Variants in ZWILCH observed in about 807,000 individuals in gnomAD.
The protein encoded by ZWILCH is protein zwilch homolog.
In ZWILCH, 74 loss-of-function variants were observed where a neutral mutation model predicts 79.9. The ratio of observed to expected loss-of-function variants is 0.93; its 90% confidence interval spans 0.77 to 1.12. ZWILCH has a LOEUF of 1.12. ZWILCH is among the 50% of genes most tolerant of loss of function. ZWILCH has a pLI of 0.00. For missense variants in ZWILCH, 694 were observed against 687.5 expected (o/e 1.01, Z -0.11); for synonymous variants, 241 against 228.2 (o/e 1.06, Z -0.51).
At chr15:66,507,890 G>A (rs1379165440) in intron 1 of ZWILCH, among the ~76,000 whole-genome samples, 1 of 147,094 alleles carries the variant, frequency 6.8e-6, no homozygotes, top group Non-Finnish European at 1.5e-5. Flanking sequence ...CGGAGATCAC[G>A]CCACTGTACT....
At position 66,521,106 on chromosome 15, in the gene ZWILCH, TACAATC is replaced by T. The variant is rs1033745662; in HGVS notation, c.652_657del (p.Ile218_Thr219del). ...TCTTTAAGTCCTCTGCCTTGGATGATACAATCACAGCATCACAAACTGCGATCGCTT... is the reference window on the plus strand; with the variant it reads ...TCTTTAAGTCCTCTGCCTTGGATGATACAGCATCACAAACTGCGATCGCTT... On this transcript the variant is annotated inframe_deletion, in exon 7 of 19. Transcript: ENST00000307897. 2 of 1,614,090 alleles carry T rather than the reference TACAATC, an allele frequency of 1.2e-6. No individual in the cohort carries two copies. Among genetic ancestry groups the T allele is most frequent in the African/African-American group, 2.7e-5 (2 of 74,936 alleles).
intron 16 of ZWILCH, among the ~76,000 whole-genome samples, chr15:66,539,652 C>G (rs78299946): frequency 6.6e-6 from 1 of 152,180 alleles, no homozygotes; most frequent in Non-Finnish European, 1.5e-5. Flanking sequence ...GTTTAAATGT[C>G]TCCTATCACA....
intron 14 of ZWILCH, among the ~76,000 whole-genome samples, chr15:66,535,122 G>C (rs1197420205): frequency 6.6e-6 from 1 of 151,832 alleles, no homozygotes; most frequent in Non-Finnish European, 1.5e-5. Flanking sequence ...GGGATCATCA[G>C]TATCACTGTC....
chr15:66,547,768 G>A (rs1021307092), intron 18 of ZWILCH: 3 of 152,070 alleles, frequency 2.0e-5, no homozygotes, highest in Non-Finnish European at 4.4e-5. Context: ...CAACCTGGAA[G>A]GATTGTTATC....
At chr15:66,521,301 C>T (rs923778736) in intron 7 of ZWILCH, 96 bp downstream of exon 7, 45 of 1,428,830 alleles carry the variant, frequency 3.1e-5, no homozygotes, top group Admixed American at 9.3e-5. Context: ...AGCCTTGGCA[C>T]TTGCTGAGTG....
At chr15:66,543,224 A>C (rs1895250542) in intron 17 of ZWILCH, among the ~76,000 whole-genome samples, 2 of 152,086 alleles carry the variant, frequency 1.3e-5, no homozygotes, top group African/African-American at 4.8e-5. Context: ...AAATAAATAC[A>C]TTCTTTGGCC....
At position 66,549,975 on chromosome 15, in the gene ZWILCH, T is replaced by A; in HGVS notation, c.*1651T>A. The A allele has an allele frequency of 9.2e-7, 1 of 1,091,604 alleles. No homozygotes were observed. The highest frequency in any genetic ancestry group is 1.3e-6 in the Non-Finnish European group (1 of 780,104). 67.6% of individuals were successfully genotyped at this position (1,091,604 alleles called of 1,614,324 possible). Reference sequence around the variant, plus strand: ...CAAGTAGAGCCACATTTTGAGATTTTGAAAATGATATGTATAATTATTTAG... The same window carrying A: ...CAAGTAGAGCCACATTTTGAGATTTAGAAAATGATATGTATAATTATTTAG... On this transcript the variant is annotated 3_prime_UTR_variant, in exon 19 of 19. Coordinates refer to ENST00000307897, the MANE Select transcript of ZWILCH (RefSeq NM_017975.5).
At chr15:66,543,856 C>G (rs1414170620) in intron 17 of ZWILCH, among the ~76,000 whole-genome samples, 1 of 152,124 alleles carries the variant, frequency 6.6e-6, no homozygotes, top group Non-Finnish European at 1.5e-5. Context: ...TCAGGTGATT[C>G]CACTGTGCAA....
rs965618600 is a variant in ZWILCH at position 66,519,980 on chromosome 15, T to A, written c.521-610T>A. Among the ~76,000 whole-genome samples, 7 of 152,052 alleles carry A rather than the reference T, an allele frequency of 4.6e-5. No homozygotes were observed. In the East Asian group the frequency reaches 5.8e-4, roughly 13 times the overall value. On this transcript the variant is annotated intron_variant, in intron 5 of 18. Coordinates refer to ENST00000307897, the MANE Select transcript of ZWILCH (RefSeq NM_017975.5). ...GGCCAGCTAATTTTATTTTTATTTTTAATTTGTTTTTAAGAGACAGGGTCC... is the reference window on the plus strand; with the variant it reads ...GGCCAGCTAATTTTATTTTTATTTTAAATTTGTTTTTAAGAGACAGGGTCC...
chr15:66,526,085 C>A (rs1894664150), intron 8 of ZWILCH, among the ~76,000 whole-genome samples: 1 of 151,988 alleles, frequency 6.6e-6, no homozygotes, highest in South Asian at 2.1e-4. Flanking sequence ...TTTCTAAAGA[C>A]CTCCCCCCGG....
rs374606287 is a variant in ZWILCH at position 66,526,119 on chromosome 15, A to G, written c.820-1171A>G. 2.8e-4 allele frequency among the ~76,000 whole-genome samples: 43 copies of G among 152,176 alleles called. 1 individual carries two copies. In the East Asian group the frequency reaches 3.7e-3, roughly 13 times the overall value. ...GGGAGTGGGAGATGATAGCATTTCA[A>G]CTGGGAAATGTTGTATTTTCTCTTT... On this transcript the variant is annotated intron_variant, in intron 8 of 18. Coordinates refer to ENST00000307897, the MANE Select transcript of ZWILCH (RefSeq NM_017975.5).
rs765490430 is a variant in ZWILCH, at chr15:66,529,493, G to T, written c.1076-1G>T. 6.2e-7 allele frequency: 1 copy of T among 1,611,910 alleles called. No homozygotes were observed. The highest frequency in any genetic ancestry group is 8.5e-7 in the Non-Finnish European group (1 of 1,178,188). ...AATGTTACACTGACTTGTTTTCCAA[G>T]GTGTGATTTCATACCAAGACTTGGT... On this transcript the variant is annotated splice_acceptor_variant, in intron 11 of 18. Transcript: ENST00000307897. LOFTEE classifies it high-confidence loss of function.
At position 66,527,292 on chromosome 15, in the gene ZWILCH, T is replaced by G; in HGVS notation, c.822T>G (p.Val274=). The part of the protein sequence containing the change: ...HLYRELKFLL[V]LADGLRTGVT... ...TGGGGTTTTTAAATCTCCTGTAGGT[T>G]TTGGCTGATGGTTTGAGGACTGGTG... is the stretch of plus-strand genomic sequence containing the variant. The change falls in exon 9 of 19, where the codon GTT becomes GTG. Residue 274 remains valine (V), a splice_region_variant and synonymous_variant. Coordinates refer to ENST00000307897, the MANE Select transcript of ZWILCH (RefSeq NM_017975.5). 2 of 1,613,868 alleles carry G rather than the reference T, an allele frequency of 1.2e-6. No individual in the cohort carries two copies. The highest frequency in any genetic ancestry group is 4.5e-5 in the East Asian group (2 of 44,868).
chr15:66,511,452 C>T (rs1277790284), intron 2 of ZWILCH, among the ~76,000 whole-genome samples: 2 of 148,534 alleles, frequency 1.3e-5, no homozygotes, highest in Non-Finnish European at 3.0e-5. Context: ...AAGATTGTGC[C>T]ACTGCACTCC....
At chr15:66,530,289 A>C (rs1894817160) in intron 12 of ZWILCH, among the ~76,000 whole-genome samples, 1 of 152,204 alleles carries the variant, frequency 6.6e-6, no homozygotes, top group African/African-American at 2.4e-5. Context: ...AAAATCTGGA[A>C]ACAAATATGC....
At chr15:66,517,756 A>G (rs1303832313) in intron 4 of ZWILCH, among the ~76,000 whole-genome samples, 1 of 47,370 alleles carries the variant, frequency 2.1e-5, no homozygotes, top group African/African-American at 1.3e-4. Flanking sequence ...TTTTTTTGAG[A>G]CAGAGTCACT....
intron 17 of ZWILCH, among the ~76,000 whole-genome samples, chr15:66,541,302 ACACACG>A (rs900610937): frequency 1.3e-5 from 2 of 152,206 alleles, no homozygotes; most frequent in South Asian, 2.1e-4. Flanking sequence ...CACCACACAC[ACACACG>A]CACACGCACA....
At chr15:66,522,090 C>T (rs552166781) in intron 7 of ZWILCH, among the ~76,000 whole-genome samples, 1 of 151,580 alleles carries the variant, frequency 6.6e-6, no homozygotes, top group Non-Finnish European at 1.5e-5. Context: ...CCCAACTACT[C>T]GGGAGGCTGA....
At position 66,549,982 on chromosome 15, in the gene ZWILCH, GAT is replaced by G; in HGVS notation, c.*1661_*1662del. 8.8e-7 allele frequency: 1 copy of G among 1,130,978 alleles called. No homozygotes were observed. Among genetic ancestry groups the G allele is most frequent in the Non-Finnish European group, 1.2e-6 (1 of 807,590 alleles). The allele number at this position is 1,130,978 out of a possible 1,614,324, so 70.1% of individuals were successfully genotyped here. ...AGCCACATTTTGAGATTTTGAAAAT[GAT>G]ATGTATAATTATTTAGTTTAATTAT... On this transcript the variant is annotated 3_prime_UTR_variant, in exon 19 of 19. Transcript: ENST00000307897.
Sources: allele counts gnomAD v4.1 joint callset (sites outside exome capture counted in the v4.1 genomes callset), GRCh38; gene constraint gnomAD v4.1.1; transcripts MANE v1.5; gene names NCBI Gene and HGNC (gene_info 2026-07-23, HGNC 2026-07-21).